Variants in UBR4 observed in about 807,000 individuals in gnomAD.
UBR4 encodes the protein E3 ubiquitin-protein ligase UBR4.
UBR4 carries 124 observed loss-of-function variants against 575.6 expected under a neutral mutation model. The observed-to-expected ratio is 0.22, with a 90% CI of 0.19 to 0.25. The LOEUF (loss-of-function observed/expected upper bound fraction) is 0.25. Ranked by LOEUF, UBR4 falls within the 10% of genes least tolerant of loss-of-function variation. UBR4 has a pLI of 1.00. For synonymous variants in UBR4, 2,455 were observed against 2,473.7 expected (o/e 0.99, Z 0.22); for missense variants, 4,818 against 6,478.8 (o/e 0.74, Z 8.80).
At chr1:19,108,832 C>T (rs1029045477) in intron 81 of UBR4, among the ~76,000 whole-genome samples, 2 of 152,184 alleles carry the variant, frequency 1.3e-5, no homozygotes, top group African/African-American at 4.8e-5. Context: ...CTGCTGCTCT[C>T]GCTAAGTTAC....
In UBR4 at chr1:19,199,281, TC is replaced by T. The variant is rs1055956437; in HGVS notation, c.379-354del. Among the ~76,000 whole-genome samples, 9 of 152,316 alleles carry T rather than the reference TC, an allele frequency of 5.9e-5. No homozygotes were observed. In the East Asian group the frequency reaches 1.3e-3, roughly 23 times the overall value. ...CCTTTAGTTGGGACCTGCAATCTTC[TC>T]AACTAGCACACTTTACTCATTTTCT... On this transcript the variant is annotated intron_variant, in intron 3 of 105. Transcript: ENST00000375254.
At chr1:19,101,407 A>C in intron 88 of UBR4, 113 bp downstream of exon 88, 1 of 1,357,366 alleles carries the variant, frequency 7.4e-7, no homozygotes, top group Non-Finnish European at 9.6e-7. Flanking sequence ...CTAATGACTA[A>C]GTGGCCCACA....
In UBR4 at chr1:19,158,006, G is replaced by A; in HGVS notation, c.5578-9C>T. On this transcript the variant is annotated splice_polypyrimidine_tract_variant and intron_variant, in intron 39 of 105. Transcript: ENST00000375254. Reference sequence around the variant, plus strand: ...GACCCTAAGGTGGGAACCTGGCAAAGAAGGAAGCAGAGAAAGTGGGCAGTA... The same window carrying A: ...GACCCTAAGGTGGGAACCTGGCAAAAAAGGAAGCAGAGAAAGTGGGCAGTA... The A allele has an allele frequency of 1.0e-5, 16 of 1,602,902 alleles. No individual in the cohort carries two copies. The highest frequency in any genetic ancestry group is 1.4e-5 in the Non-Finnish European group (16 of 1,170,770).
At chr1:19,122,242 C>T (rs1350071942) in intron 66 of UBR4, among the ~76,000 whole-genome samples, 2 of 152,188 alleles carry the variant, frequency 1.3e-5, no homozygotes, top group East Asian at 1.9e-4. Context: ...CCCATCCCCA[C>T]GCAAGGCGCT....
At chr1:19,188,560 A>G (rs1294976969) in intron 11 of UBR4, among the ~76,000 whole-genome samples, 1 of 152,242 alleles carries the variant, frequency 6.6e-6, no homozygotes, top group Non-Finnish European at 1.5e-5. Flanking sequence ...TTTAAAACAA[A>G]AGAGAGAAAA....
At position 19,165,341 on chromosome 1, in the gene UBR4, A is replaced by G; in HGVS notation, c.4220T>C (p.Leu1407Pro). 3 of 1,612,908 alleles carry G rather than the reference A, an allele frequency of 1.9e-6. No homozygotes were observed. In the South Asian group the frequency reaches 3.3e-5, roughly 18 times the overall value. ...GGCTGTTGCCATCATGATCTGTACA[A>G]GTTCTCCACTGGGAGGCAAGATGGG... ...MEEFFSDSGE[L>P]VQIMMATANE... The change falls in exon 31 of 106, where the codon CTT becomes CCT. Residue 1407 changes from leucine to proline, a missense_variant. Leu to Pro is a moderately conservative substitution (Grantham distance 98, BLOSUM62 -3). Around this residue, in one of 29 missense-constraint regions of UBR4, gnomAD observed 1,172 missense variants for 1,259.7 expected, o/e 0.93. Transcript: ENST00000375254.
At chr1:19,190,595 C>T (rs1359169988) in intron 11 of UBR4, among the ~76,000 whole-genome samples, 2 of 152,038 alleles carry the variant, frequency 1.3e-5, no homozygotes, top group Admixed American at 1.3e-4. Context: ...TCCCATTCAA[C>T]CCACTCCTAA....
chr1:19,155,517 A>C lies in UBR4; in HGVS notation c.6224T>G (p.Met2075Arg), dbSNP rs1295601783. 6.2e-7 allele frequency: 1 copy of C among 1,614,186 alleles called. No individual in the cohort carries two copies. The change falls in exon 43 of 106, where the codon ATG becomes AGG. Residue 2075 changes from methionine (M) to arginine (R), a missense_variant. Coordinates refer to ENST00000375254, the MANE Select transcript of UBR4 (RefSeq NM_020765.3). ...SSAGYIYTQL[M>R]EEASSAQQGP... ...CTGCTGGGCACTGCTGGCCTCTTCC[A>C]TAAGCTGAGTATAGATGTACCCAGC...
In UBR4 at chr1:19,120,116, G is replaced by T. The variant is rs188157299; in HGVS notation, c.10310+64C>A. 3.2e-5 allele frequency: 50 copies of T among 1,566,918 alleles called. No homozygotes were observed. In the African/African-American group the frequency reaches 5.3e-4, roughly 16 times the overall value. The stretch of plus-strand genomic sequence containing the variant: ...ACCATATGTAACCGAAAACAAAATA[G>T]AACTGCATTACGCACCCTGGCCTCA... On this transcript the variant is annotated intron_variant, in intron 69 of 105. Transcript: ENST00000375254.
rs749837244 is a variant in UBR4, at chr1:19,184,186, C to A, written c.1939-11G>T. The A allele has an allele frequency of 1.2e-6, 2 of 1,611,378 alleles. No individual in the cohort carries two copies. Among genetic ancestry groups the A allele is most frequent in the Admixed American group, 1.7e-5 (1 of 59,354 alleles). On this transcript the variant is annotated splice_polypyrimidine_tract_variant and intron_variant, in intron 15 of 105. Coordinates refer to ENST00000375254, the MANE Select transcript of UBR4 (RefSeq NM_020765.3). ...AGCCAGACCTAAGAACTGAAAGGAACACACACAAAAAAGCTCTTATCAGGG... is the reference window on the plus strand; with the variant it reads ...AGCCAGACCTAAGAACTGAAAGGAAAACACACAAAAAAGCTCTTATCAGGG...
In UBR4 at chr1:19,144,668, C is replaced by T. The variant is rs2084597054; in HGVS notation, c.8067+118G>A. The T allele has an allele frequency of 2.1e-5, 30 of 1,398,012 alleles. No homozygotes were observed. The East Asian group carries it at 6.9e-4, about 32-fold the overall frequency. 86.6% of individuals were successfully genotyped at this position (1,398,012 alleles called of 1,614,324 possible). ...TTAAAGCTTTTATTGATATTTGAAA[C>T]TTCATTCCCTTCAGCTTCCTCTAAA... On this transcript the variant is annotated intron_variant, in intron 54 of 105. Transcript: ENST00000375254.
chr1:19,157,656 G>A lies in UBR4; in HGVS notation c.5760+159C>T, dbSNP rs1342334653. Among the ~76,000 whole-genome samples the A allele has an allele frequency of 2.0e-5, 3 of 152,238 alleles. No homozygotes were observed. Among genetic ancestry groups the A allele is most frequent in the Admixed American group, 1.3e-4 (2 of 15,288 alleles). On this transcript the variant is annotated intron_variant, in intron 40 of 105. Transcript: ENST00000375254. The surrounding 1 kb of genome is among the most constrained non-coding windows in gnomAD (Gnocchi z 4.4). ...CTAATCAAATCAATTCAGGGTTCAA[G>A]TATTTGAAAAGCTCAACAAGATCTG...
intron 103 of UBR4, chr1:19,079,523 G>A (rs942094474): frequency 4.6e-5 from 7 of 152,230 alleles, no homozygotes; most frequent in African/African-American, 7.2e-5. Context: ...TCCTGGCAGA[G>A]GAACTTTTTT....
At chr1:19,097,813 T>A (rs1570427058) in intron 90 of UBR4, among the ~76,000 whole-genome samples, 1 of 152,184 alleles carries the variant, frequency 6.6e-6, no homozygotes, top group African/African-American at 2.4e-5. Flanking sequence ...AGAGAGTACA[T>A]CAATCTTTAC....
intron 101 of UBR4, among the ~76,000 whole-genome samples, 183 bp downstream of exon 101, chr1:19,085,962 G>C (rs1376068791): frequency 6.6e-6 from 1 of 152,096 alleles, no homozygotes; most frequent in East Asian, 1.9e-4. Flanking sequence ...GTCACCCCTT[G>C]AGTAAGCCTC....
intron 87 of UBR4, 134 bp from the exon 88 acceptor site, chr1:19,101,775 T>C (rs2078658504): frequency 2.2e-6 from 3 of 1,371,244 alleles, no homozygotes; most frequent in Non-Finnish European, 2.9e-6. Flanking sequence ...CATGGCAATA[T>C]CAATAGTTCA....
chr1:19,167,357 C>T (rs2088678060), intron 28 of UBR4, 126 bp from the exon 29 acceptor site: 2 of 889,418 alleles, frequency 2.2e-6, no homozygotes, highest in East Asian at 2.6e-5. Flanking sequence ...GGCCTTTATT[C>T]CAGTCTTTTT....
rs199523098 is a variant in UBR4, at chr1:19,141,516, C to T, written c.8319G>A (p.Ser2773=). Reference sequence around the variant, plus strand: ...CATTTTCAGCTGTCTCCAGGACCATCGACTCAGACTGCAGAGAGAAAGCTC... The same window carrying T: ...CATTTTCAGCTGTCTCCAGGACCATTGACTCAGACTGCAGAGAGAAAGCTC... The part of the protein sequence containing the change: ...DHGDFEMVSE[S]MVLETAENVN... Residue 2773 remains serine (S), a synonymous_variant, in exon 57 of 106, where the codon TCG becomes TCA. Transcript: ENST00000375254. The T allele has an allele frequency of 3.3e-5, 53 of 1,606,504 alleles. No homozygotes were observed. The Admixed American group carries it at 4.2e-4, about 13-fold the overall frequency.
chr1:19,164,901 C>T lies in UBR4; in HGVS notation c.4409G>A (p.Arg1470His), dbSNP rs369985401. The T allele has an allele frequency of 9.3e-6, 15 of 1,614,028 alleles. No homozygotes were observed. Among genetic ancestry groups the T allele is most frequent in the East Asian group, 2.2e-5 (1 of 44,890 alleles). ...ATCTTTTGGGGGCGATGTAGTCATGCGGGTGAGCCAGGCCTGCAGGCGCAC... is the reference window on the plus strand; with the variant it reads ...ATCTTTTGGGGGCGATGTAGTCATGTGGGTGAGCCAGGCCTGCAGGCGCAC... ...EPVRLQAWLT[R>H]MTTSPPKDSD... Residue 1470 changes from arginine to histidine, a missense_variant, in exon 32 of 106, where the codon CGC (arginine) becomes CAC (histidine). By Grantham distance (29) the Arg-to-His change is conservative. Coordinates refer to ENST00000375254, the MANE Select transcript of UBR4 (RefSeq NM_020765.3).
Sources: gnomAD v4.1 joint callset for allele counts (sites outside exome capture counted in the v4.1 genomes callset) on GRCh38, gnomAD v4.1.1 for gene constraint, gnomAD v4.1.1 regional missense constraint, Gnocchi (gnomAD v3.1) non-coding constraint, MANE v1.5 for transcripts, NCBI Gene and HGNC (gene_info 2026-07-23, HGNC 2026-07-21) for gene names.